The following PKHD1L1 variants were observed in gnomAD, a reference collection of about 807,000 sequenced individuals.
The protein encoded by PKHD1L1 is fibrocystin-L.
A neutral mutation model predicts 462.9 loss-of-function variants in PKHD1L1; 434 were observed. That is an observed-to-expected ratio of 0.94 (90% CI 0.87 to 1.02). PKHD1L1 has a LOEUF of 1.02. Ranked by LOEUF, PKHD1L1 falls within the 50% of genes least tolerant of loss-of-function variation. The pLI, the probability that PKHD1L1 is intolerant of heterozygous loss-of-function variation, is 0.00. For synonymous variants in PKHD1L1, 1,781 were observed against 1,750.0 expected, an observed-to-expected ratio of 1.02 and a Z score of -0.44; for missense variants, 5,202 against 5,096.1, an observed-to-expected ratio of 1.02 and a Z score of -0.63.
At chr8:109,518,086 C>G in intron 72 of PKHD1L1, 81 bp from the exon 73 acceptor site, 1 of 908,242 alleles carries the variant, frequency 1.1e-6, no homozygotes, top group South Asian at 2.1e-5. Context: ...TTTCTAAATT[C>G]AAACAAACAT....
intron 13 of PKHD1L1, 59 bp from the exon 14 acceptor site, chr8:109,401,438 G>A: frequency 1.2e-6 from 1 of 866,412 alleles, no homozygotes; most frequent in Non-Finnish European, 1.8e-6. Flanking sequence ...ATAAATAAAT[G>A]TTGAAAAGGT....
rs904702534 is a variant in PKHD1L1, at chr8:109,531,897, G to T, written c.*1807G>T. Among the ~76,000 whole-genome samples, 1 of 152,140 alleles carries T rather than the reference G, an allele frequency of 6.6e-6. No individual in the cohort carries two copies. The highest frequency in any genetic ancestry group is 1.5e-5 in the Non-Finnish European group (1 of 68,024). ...AGAGACCCAACATGGGCCATTTCAC[G>T]CTGAGACTTAAAAATCAGTCTTCCT... is the stretch of plus-strand genomic sequence containing the variant. On this transcript the variant is annotated 3_prime_UTR_variant, in exon 78 of 78. Coordinates refer to ENST00000378402, the MANE Select transcript of PKHD1L1 (RefSeq NM_177531.6).
At position 109,534,504 on chromosome 8, in the gene PKHD1L1, G is replaced by T. The variant is rs1442427790; in HGVS notation, c.*4414G>T. On this transcript the variant is annotated 3_prime_UTR_variant, in exon 78 of 78. Coordinates refer to ENST00000378402, the MANE Select transcript of PKHD1L1 (RefSeq NM_177531.6). ...AAACTTTAATCTGAATCCATTATGT[G>T]TTGGGTTGGGTTGGGGAACCTACCA... 6.6e-6 allele frequency among the ~76,000 whole-genome samples: 1 copy of T among 152,046 alleles called. No individual in the cohort carries two copies. Among genetic ancestry groups the T allele is most frequent in the African/African-American group, 2.4e-5 (1 of 41,396 alleles).
At chr8:109,525,559 G>A (rs1820774749) in intron 76 of PKHD1L1, among the ~76,000 whole-genome samples, 1 of 152,080 alleles carries the variant, frequency 6.6e-6, no homozygotes, top group South Asian at 2.1e-4. Flanking sequence ...GCTTGATTGA[G>A]GTCATATCTC....
Position 109,381,360 on chromosome 8 carries a change from A to G in PKHD1L1, c.164-10A>G, listed in dbSNP as rs892642633. 6.4e-7 allele frequency: 1 copy of G among 1,555,524 alleles called. No individual in the cohort carries two copies. The highest frequency in any genetic ancestry group is 8.7e-7 in the Non-Finnish European group (1 of 1,147,472). ...CCATTAATAATAATTAAGTCTTCTT[A>G]CTTTTCCAGGTTTTTCTCAAGCAAA... On this transcript the variant is annotated splice_polypyrimidine_tract_variant and intron_variant, in intron 2 of 77. Transcript: ENST00000378402.
chr8:109,406,351 T>G lies in PKHD1L1; in HGVS notation c.1686T>G (p.Asp562Glu). The G allele has an allele frequency of 6.4e-7, 1 of 1,551,084 alleles. No individual in the cohort carries two copies. The highest frequency in any genetic ancestry group is 2.4e-5 in the East Asian group (1 of 41,162). Residue 562 changes from aspartate (D) to glutamate (E), a missense_variant, in exon 17 of 78, where the codon GAT (aspartate) becomes GAG (glutamate). Transcript: ENST00000378402. ...CAATCAAAGTCTTCCTACCTGCTGATGCTTCTGAATTCATACTGCAATCAG... is the reference window on the plus strand; with the variant it reads ...CAATCAAAGTCTTCCTACCTGCTGAGGCTTCTGAATTCATACTGCAATCAG... ...NMEKTVFLPADASEFILQSAL... is the reference protein window; with the variant it reads ...NMEKTVFLPAEASEFILQSAL...
intron 9 of PKHD1L1, among the ~76,000 whole-genome samples, chr8:109,393,607 A>G (rs1044190149): frequency 2.0e-5 from 3 of 152,124 alleles, no homozygotes; most frequent in Non-Finnish European, 4.4e-5. Context: ...ACACGTGAGG[A>G]GCCACAGCTC....
At chr8:109,449,177 T>G (rs1306620492) in intron 39 of PKHD1L1, among the ~76,000 whole-genome samples, 161 bp from the exon 40 acceptor site, 1 of 152,218 alleles carries the variant, frequency 6.6e-6, no homozygotes, top group African/African-American at 2.4e-5. Flanking sequence ...CAAAAGAGAT[T>G]CAGTTGCATT....
chr8:109,365,734 G>A (rs1255437180), intron 2 of PKHD1L1, among the ~76,000 whole-genome samples: 2 of 152,208 alleles, frequency 1.3e-5, no homozygotes, highest in Non-Finnish European at 2.9e-5. Flanking sequence ...CCAGCACTTT[G>A]GGAGCCCAAG....
intron 68 of PKHD1L1, 88 bp from the exon 69 acceptor site, chr8:109,507,575 T>A (rs2130976610): frequency 2.7e-6 from 3 of 1,128,730 alleles, no homozygotes; most frequent in East Asian, 5.1e-5. Context: ...TAGATCAATT[T>A]TTTTGGATAT....
At chr8:109,429,238 T>C in intron 25 of PKHD1L1, 102 bp from the exon 26 acceptor site, 5 of 1,024,004 alleles carry the variant, frequency 4.9e-6, no homozygotes, top group Non-Finnish European at 6.9e-6. Context: ...TTACATTCTT[T>C]GACTTTTATT....
At chr8:109,450,252 T>G (rs1172898751) in intron 40 of PKHD1L1, among the ~76,000 whole-genome samples, 1 of 152,208 alleles carries the variant, frequency 6.6e-6, no homozygotes, top group Non-Finnish European at 1.5e-5. Flanking sequence ...AGTTATTACT[T>G]AACAAAATTT....
intron 38 of PKHD1L1, 44 bp from the exon 39 acceptor site, chr8:109,448,099 A>G (rs1172821583): frequency 6.7e-7 from 1 of 1,497,698 alleles, no homozygotes; most frequent in African/African-American, 1.4e-5. Flanking sequence ...GATGTGTATT[A>G]ATAGTTAGAT....
intron 21 of PKHD1L1, among the ~76,000 whole-genome samples, chr8:109,414,269 ATTG>A (rs1814013809): frequency 2.0e-5 from 3 of 152,132 alleles, no homozygotes; most frequent in Admixed American, 2.0e-4. Flanking sequence ...CTCCCCATAC[ATTG>A]TTGTTGTTTA....
At chr8:109,501,291 A>T (rs1819399018) in intron 67 of PKHD1L1, among the ~76,000 whole-genome samples, 1 of 152,112 alleles carries the variant, frequency 6.6e-6, no homozygotes, top group South Asian at 2.1e-4. Flanking sequence ...TTCCATGGTG[A>T]TTCCATTGTC....
intron 48 of PKHD1L1, among the ~76,000 whole-genome samples, chr8:109,463,868 T>C (rs1483276031): frequency 6.6e-6 from 1 of 152,172 alleles, no homozygotes; most frequent in African/African-American, 2.4e-5. Context: ...GAAATGTTTC[T>C]TGTTATTACA....
chr8:109,458,425 T>C (rs1029590654), intron 46 of PKHD1L1, among the ~76,000 whole-genome samples: 14 of 151,988 alleles, frequency 9.2e-5, no homozygotes, highest in African/African-American at 2.7e-4. Flanking sequence ...AAAACCGTTA[T>C]TGAGTTGTGA....
At position 109,480,102 on chromosome 8, in the gene PKHD1L1, G is replaced by C. The variant is rs1332708692; in HGVS notation, c.9290G>C (p.Arg3097Thr). ...GTAGGAGCTGCAGAATCTTCTTACA[G>C]AGAAGTTGTTTTGAATGCTACCTAC... ...YNVGAAESSY[R>T]EVVLNATYIS... Residue 3097 changes from arginine to threonine, a missense_variant, in exon 55 of 78, where the codon AGA becomes ACA. Arg to Thr is a moderately conservative substitution (Grantham distance 71, BLOSUM62 -1). Coordinates refer to ENST00000378402, the MANE Select transcript of PKHD1L1 (RefSeq NM_177531.6). 2.5e-6 allele frequency: 4 copies of C among 1,577,282 alleles called. No homozygotes were observed. In the African/African-American group the frequency reaches 5.4e-5, roughly 21 times the overall value.
At chr8:109,486,049 A>G (rs1818510146) in intron 58 of PKHD1L1, among the ~76,000 whole-genome samples, 1 of 151,982 alleles carries the variant, frequency 6.6e-6, no homozygotes, top group East Asian at 1.9e-4. Flanking sequence ...TAAAGTTTTG[A>G]GTAACATTTC....
Sources: allele counts gnomAD v4.1 joint callset (sites outside exome capture counted in the v4.1 genomes callset), GRCh38; gene constraint gnomAD v4.1.1; transcripts MANE v1.5; gene names NCBI Gene and HGNC (gene_info 2026-07-23, HGNC 2026-07-21).